SKAP2: variants seen among roughly 807,000 people sequenced by gnomAD.
SKAP2 encodes src kinase associated phosphoprotein 2, also known as src kinase-associated phosphoprotein 2.
In SKAP2, 28 loss-of-function variants were observed where a neutral mutation model predicts 54.9. The ratio of observed to expected loss-of-function variants is 0.51; its 90% CI spans 0.38 to 0.70. The LOEUF (loss-of-function observed/expected upper bound fraction) is 0.70, where lower values mean the gene tolerates loss of function less well. Among genes scored for constraint, SKAP2 ranks in the 30% least tolerant of loss-of-function variants. The pLI is 0.00. For missense variants in SKAP2, 356 were observed against 424.1 expected, an observed-to-expected ratio of 0.84 and a Z score of 1.41; for synonymous variants, 137 against 134.3, an observed-to-expected ratio of 1.02 and a Z score of -0.14.
chr7:26,797,318 C>T (rs1584395262), intron 4 of SKAP2, among the ~76,000 whole-genome samples: 1 of 152,160 alleles, frequency 6.6e-6, no homozygotes, highest in East Asian at 1.9e-4. Flanking sequence ...CACGGGGGTG[C>T]CTGTGTTACT....
At chr7:26,778,993 G>T in intron 4 of SKAP2, among the ~76,000 whole-genome samples, 1 of 151,878 alleles carries the variant, frequency 6.6e-6, no homozygotes. Context: ...GAATTTCAAA[G>T]GACTCAGTAA....
the SKAP2 span, among the ~76,000 whole-genome samples, chr7:26,659,211 T>A: frequency 7.5e-4 from 114 of 152,334 alleles, no homozygotes; most frequent in African/African-American, 2.6e-3. Context: ...TAATTCTTTG[T>A]GTCTCTCTTA....
chr7:26,757,482 C>T (rs556991898), intron 4 of SKAP2, among the ~76,000 whole-genome samples: 2 of 152,188 alleles, frequency 1.3e-5, no homozygotes, highest in African/African-American at 4.8e-5. Flanking sequence ...CAGACGGTTG[C>T]AGATGTGTGG....
At chr7:26,808,785 C>G (rs767011536) in intron 4 of SKAP2, among the ~76,000 whole-genome samples, 5 of 152,212 alleles carry the variant, frequency 3.3e-5, no homozygotes, top group Non-Finnish European at 7.4e-5. Context: ...ACAATGCCTA[C>G]GGCAAAAATC....
At chr7:26,850,663 G>A (rs1174136016) in intron 3 of SKAP2, among the ~76,000 whole-genome samples, 1 of 151,896 alleles carries the variant, frequency 6.6e-6, no homozygotes, top group Non-Finnish European at 1.5e-5. Context: ...TACTTTGAAG[G>A]ATATAAGAAG....
At chr7:26,807,475 G>T (rs766054628) in intron 4 of SKAP2, among the ~76,000 whole-genome samples, 1 of 152,172 alleles carries the variant, frequency 6.6e-6, no homozygotes, top group Non-Finnish European at 1.5e-5. Flanking sequence ...GAAGCTGCTT[G>T]TGTCTCTTTA....
chr7:26,833,109 A>G (rs748898837), intron 4 of SKAP2, among the ~76,000 whole-genome samples: 1 of 152,140 alleles, frequency 6.6e-6, no homozygotes, highest in South Asian at 2.1e-4. Flanking sequence ...GCACCAAAAA[A>G]GTATGCAGAG....
At chr7:26,843,246 T>C (rs1260469486) in intron 4 of SKAP2, among the ~76,000 whole-genome samples, 1 of 152,080 alleles carries the variant, frequency 6.6e-6, no homozygotes, top group African/African-American at 2.4e-5. Context: ...GTATTATTCA[T>C]TTCTATGTCT....
intron 3 of SKAP2, among the ~76,000 whole-genome samples, chr7:26,851,836 A>G (rs1237017442): frequency 3.3e-5 from 5 of 152,222 alleles, no homozygotes; most frequent in African/African-American, 1.2e-4. Flanking sequence ...GAAGGATGAT[A>G]CACATCTGTG....
At chr7:26,685,852 A>G (rs1328591749) in intron 10 of SKAP2, among the ~76,000 whole-genome samples, 3 of 152,170 alleles carry the variant, frequency 2.0e-5, no homozygotes, top group Non-Finnish European at 2.9e-5. Flanking sequence ...AAAGAATGCA[A>G]GTAATATCAA....
rs187331568 is a variant in SKAP2 at position 26,718,496 on chromosome 7, T to C, written c.796+6932A>G. Among the ~76,000 whole-genome samples the C allele has an allele frequency of 6.7e-4, 101 of 151,674 alleles. 2 individuals are homozygous for C. Among genetic ancestry groups the C allele is most frequent in the African/African-American group, 2.4e-3 (98 of 41,448 alleles). On this transcript the variant is annotated intron_variant, in intron 9 of 12. Coordinates refer to ENST00000345317, the MANE Select transcript of SKAP2 (RefSeq NM_003930.5). ...AGTGACTTCCACTTTTTTATTTTAT[T>C]TTAATTTATTTTATTTTATTTTATT...
intron 4 of SKAP2, among the ~76,000 whole-genome samples, chr7:26,840,605 C>T (rs897766581): frequency 1.3e-5 from 2 of 152,064 alleles, no homozygotes; most frequent in African/African-American, 4.8e-5. Flanking sequence ...TACTGACATG[C>T]ACCATTTATA....
chr7:26,759,552 C>T (rs1382608004), intron 4 of SKAP2, among the ~76,000 whole-genome samples: 1 of 152,070 alleles, frequency 6.6e-6, no homozygotes, highest in Non-Finnish European at 1.5e-5. Context: ...TGACAATTGA[C>T]ACAGGATATT....
At position 26,824,220 on chromosome 7, in the gene SKAP2, C is replaced by A. The variant is rs139978747; in HGVS notation, c.307+19810G>T. ...CTCGACCAGCAAAAAGGTTATAATT[C>A]TCTGAGGGCTAAGATGATTGCTGAC... On this transcript the variant is annotated intron_variant, in intron 4 of 12. Coordinates refer to ENST00000345317, the MANE Select transcript of SKAP2 (RefSeq NM_003930.5). 6.8e-3 allele frequency among the ~76,000 whole-genome samples: 1,040 copies of A among 152,298 alleles called. 4 individuals are homozygous for A. Among genetic ancestry groups the A allele is most frequent in the Non-Finnish European group, 0.011 (724 of 68,036 alleles).
chr7:26,658,047 T>C, the SKAP2 span, among the ~76,000 whole-genome samples: 1 of 152,248 alleles, frequency 6.6e-6, no homozygotes, highest in Admixed American at 6.5e-5. Context: ...CTGAGGTCTG[T>C]TGCTTATTCT....
chr7:26,700,423 T>C (rs1286059446), intron 9 of SKAP2, among the ~76,000 whole-genome samples: 2 of 152,196 alleles, frequency 1.3e-5, no homozygotes, highest in African/African-American at 4.8e-5. Context: ...AGAATTCATC[T>C]GAAAAGGGAT....
At chr7:26,749,760 T>C (rs983726254) in intron 4 of SKAP2, among the ~76,000 whole-genome samples, 1 of 147,528 alleles carries the variant, frequency 6.8e-6, no homozygotes, top group African/African-American at 2.5e-5. Context: ...ATAATAATAA[T>C]AATAATAATA....
chr7:26,698,840 G>A (rs559898109), intron 9 of SKAP2, among the ~76,000 whole-genome samples: 3 of 152,308 alleles, frequency 2.0e-5, no homozygotes, highest in Non-Finnish European at 2.9e-5. Flanking sequence ...TAAAATTTGA[G>A]CTTTCAAGCA....
At chr7:26,850,766 C>A (rs561236816) in intron 3 of SKAP2, among the ~76,000 whole-genome samples, 1 of 152,204 alleles carries the variant, frequency 6.6e-6, no homozygotes, top group East Asian at 1.9e-4. Flanking sequence ...AGATTCAAAT[C>A]TTTCCTAAGT....
Sources: allele counts gnomAD v4.1 joint callset (sites outside exome capture counted in the v4.1 genomes callset), GRCh38; gene constraint gnomAD v4.1.1; transcripts MANE v1.5; gene names NCBI Gene and HGNC (gene_info 2026-07-23, HGNC 2026-07-21).